The following CARMIL1 variants were observed in gnomAD, a reference collection of about 807,000 sequenced individuals.
CARMIL1 encodes the protein capping protein regulator and myosin 1 linker 1.
Under a neutral mutation model 177.1 loss-of-function variants are expected in CARMIL1, and 90 were observed. The observed-to-expected ratio is 0.51, with a 90% CI of 0.43 to 0.61. CARMIL1 has a LOEUF of 0.61. Ranked by LOEUF, CARMIL1 falls within the 20% of genes least tolerant of loss-of-function variation. CARMIL1 has a pLI of 0.00. For synonymous variants in CARMIL1, 577 were observed against 606.2 expected, an observed-to-expected ratio of 0.95 and a Z score of 0.71; for missense variants, 1,380 against 1,667.0, an observed-to-expected ratio of 0.83 and a Z score of 3.00.
At chr6:25,327,364 G>A (rs1785222016) in intron 2 of CARMIL1, among the ~76,000 whole-genome samples, 1 of 152,194 alleles carries the variant, frequency 6.6e-6, no homozygotes, top group South Asian at 2.1e-4. Context: ...TTTGTATGAT[G>A]AAGCGGAGAT....
intron 11 of CARMIL1, among the ~76,000 whole-genome samples, chr6:25,477,671 A>C (rs1322387571): frequency 6.6e-6 from 1 of 152,088 alleles, no homozygotes; most frequent in African/African-American, 2.4e-5. Context: ...GTCAGAGTAC[A>C]TTGTTCAGGG....
At chr6:25,372,246 G>A (rs1790487268) in intron 2 of CARMIL1, among the ~76,000 whole-genome samples, 1 of 149,432 alleles carries the variant, frequency 6.7e-6, no homozygotes, top group East Asian at 1.9e-4. Context: ...GTTCTTTTTG[G>A]TTCCATATGA....
intron 2 of CARMIL1, among the ~76,000 whole-genome samples, chr6:25,306,551 A>G (rs537305247): frequency 1.3e-5 from 2 of 152,280 alleles, no homozygotes; most frequent in Non-Finnish European, 2.9e-5. Context: ...CTTGGTGCCA[A>G]CAAGGTTGGG....
At chr6:25,507,160 A>C (rs1804993056) in intron 17 of CARMIL1, among the ~76,000 whole-genome samples, 1 of 152,220 alleles carries the variant, frequency 6.6e-6, no homozygotes, top group Non-Finnish European at 1.5e-5. Context: ...ACACATGCAG[A>C]CAGCCTCTAA....
intron 2 of CARMIL1, among the ~76,000 whole-genome samples, chr6:25,411,539 G>A (rs763884250): frequency 1.3e-5 from 2 of 152,170 alleles, no homozygotes; most frequent in African/African-American, 2.4e-5. Context: ...ACTGGCCCCT[G>A]TGTTCACCTG....
chr6:25,310,252 G>A (rs1465475845), intron 2 of CARMIL1, among the ~76,000 whole-genome samples: 2 of 152,128 alleles, frequency 1.3e-5, no homozygotes, highest in African/African-American at 2.4e-5. Context: ...AAGTGTAGAA[G>A]GATCATATAC....
chr6:25,491,958 C>T lies in CARMIL1; in HGVS notation c.1154C>T (p.Ala385Val). ...TECSLDMVCG[A>V]LLRGCLQYLA... ...TTATTTCTTTTTCAGGTCTGTGGAG[C>T]TCTTCTCCGTGGATGCCTTCAATAT... is the stretch of plus-strand genomic sequence containing the variant. Residue 385 changes from alanine to valine, a missense_variant, in exon 15 of 37, where the codon GCT becomes GTT. Transcript: ENST00000329474. 3 of 1,613,548 alleles carry T rather than the reference C, an allele frequency of 1.9e-6. No homozygotes were observed. Among genetic ancestry groups the T allele is most frequent in the Non-Finnish European group, 2.5e-6 (3 of 1,179,658 alleles).
rs543359260 is a variant in CARMIL1 at position 25,493,251 on chromosome 6, G to A, written c.1220+1227G>A. 6.6e-5 allele frequency among the ~76,000 whole-genome samples: 10 copies of A among 152,286 alleles called. No individual in the cohort carries two copies. The East Asian group carries it at 1.9e-3, about 29-fold the overall frequency. On this transcript the variant is annotated intron_variant, in intron 15 of 36. Transcript: ENST00000329474. ...CAGAATTGCGCTAACAAATTGTCTT[G>A]TCTTCCACATGAAAGGTTGTTATTA...
chr6:25,496,153 C>T (rs1803681680), intron 16 of CARMIL1, among the ~76,000 whole-genome samples: 1 of 151,744 alleles, frequency 6.6e-6, no homozygotes. Context: ...TCATATAGTA[C>T]CAGATGACCA....
chr6:25,586,618 G>T (rs985958977), intron 31 of CARMIL1, among the ~76,000 whole-genome samples: 1 of 151,988 alleles, frequency 6.6e-6, no homozygotes, highest in Non-Finnish European at 1.5e-5. Context: ...GGGAGGTGGA[G>T]GTTGTAGCGA....
intron 10 of CARMIL1, 122 bp from the exon 11 acceptor site, chr6:25,472,305 T>C: frequency 1.5e-6 from 1 of 667,808 alleles, no homozygotes; most frequent in Non-Finnish European, 2.6e-6. Context: ...ATATATGCTA[T>C]ATAGACTAAT....
chr6:25,362,134 G>T (rs1430756790), intron 2 of CARMIL1, among the ~76,000 whole-genome samples: 2 of 152,136 alleles, frequency 1.3e-5, no homozygotes, highest in African/African-American at 4.8e-5. Context: ...TGTTCCACTT[G>T]TAAGCAGCTC....
intron 3 of CARMIL1, among the ~76,000 whole-genome samples, chr6:25,423,152 G>T (rs1442759021): frequency 6.6e-6 from 1 of 152,208 alleles, no homozygotes; most frequent in Non-Finnish European, 1.5e-5. Context: ...TATAACATTA[G>T]TGTAAAGCAC....
rs57946458 is a variant in CARMIL1 at position 25,406,958 on chromosome 6, A to ATAG, written c.139-13154_139-13153insGTA. On this transcript the variant is annotated intron_variant, in intron 2 of 36. Transcript: ENST00000329474. ...ATGGGGATTGGACATGTGACTAGGA[A>ATAG]TAACCACAGAGGCCAGTTGAAAATG... is the stretch of plus-strand genomic sequence containing the variant. Among the ~76,000 whole-genome samples the ATAG allele has an allele frequency of 1.3e-3, 198 of 151,990 alleles. 1 individual carries two copies. Among genetic ancestry groups the ATAG allele is most frequent in the African/African-American group, 4.4e-3 (182 of 41,412 alleles).
chr6:25,446,896 C>A (rs2150827501), intron 5 of CARMIL1, among the ~76,000 whole-genome samples: 1 of 152,208 alleles, frequency 6.6e-6, no homozygotes, highest in South Asian at 2.1e-4. Context: ...AAGGGAGAGA[C>A]AGAGAGGAAT....
chr6:25,459,266 C>CTTTCTTTCTTTCTTTCTTTCT, intron 8 of CARMIL1, among the ~76,000 whole-genome samples: 3 of 73,764 alleles, frequency 4.1e-5, no homozygotes, highest in East Asian at 3.7e-4. Flanking sequence ...TTCTTTCTTT[C>CTTTCTTTCTTTCTTTCTTTCT]TTTTTTTTTT....
At chr6:25,320,553 C>T (rs1466814131) in intron 2 of CARMIL1, among the ~76,000 whole-genome samples, 1 of 152,222 alleles carries the variant, frequency 6.6e-6, no homozygotes, top group African/African-American at 2.4e-5. Flanking sequence ...TTTTATCCAC[C>T]CTCTACCCCT....
intron 20 of CARMIL1, among the ~76,000 whole-genome samples, chr6:25,512,250 G>A (rs1805526135): frequency 6.6e-6 from 1 of 152,092 alleles, no homozygotes; most frequent in Non-Finnish European, 1.5e-5. Context: ...TATAATTCTG[G>A]AAGTCTGTTA....
intron 36 of CARMIL1, among the ~76,000 whole-genome samples, chr6:25,614,289 A>G (rs1350272662): frequency 1.3e-5 from 2 of 152,232 alleles, no homozygotes; most frequent in Non-Finnish European, 2.9e-5. Flanking sequence ...CATAAAGCAA[A>G]GTCTACAGGA....
Sources: gnomAD v4.1 joint callset for allele counts (sites outside exome capture counted in the v4.1 genomes callset) on GRCh38, gnomAD v4.1.1 for gene constraint, MANE v1.5 for transcripts, NCBI Gene and HGNC (gene_info 2026-07-23, HGNC 2026-07-21) for gene names.